The following CENPE variants were observed in gnomAD, a reference collection of about 807,000 sequenced individuals.
The protein encoded by CENPE is centromere protein E, also known as centromere-associated protein E.
CENPE carries 145 observed loss-of-function variants against 336.1 expected under a neutral mutation model. That is an observed-to-expected ratio of 0.43 (90% CI 0.38 to 0.50). The LOEUF (loss-of-function observed/expected upper bound fraction) is 0.50, where lower values mean the gene tolerates loss of function less well. CENPE is among the 20% of genes least tolerant of loss of function. The probability of loss-of-function intolerance (pLI) is 0.00; values close to 1 mark genes in which losing one functional copy is unlikely to be tolerated. For synonymous variants in CENPE, 1,013 were observed against 984.8 expected (o/e 1.03, Z -0.54); for missense variants, 2,719 against 3,023.3 (o/e 0.90, Z 2.36).
At chr4:103,121,629 G>A (rs1030370716) in intron 43 of CENPE, among the ~76,000 whole-genome samples, 2 of 149,784 alleles carry the variant, frequency 1.3e-5, no homozygotes, top group Admixed American at 6.7e-5. Flanking sequence ...GCTCACTGCA[G>A]TATCGATCTC....
chr4:103,187,808 T>C (rs1756927548), intron 8 of CENPE, among the ~76,000 whole-genome samples: 1 of 152,212 alleles, frequency 6.6e-6, no homozygotes, highest in Admixed American at 6.5e-5. Flanking sequence ...ATATTAACTT[T>C]AAATGTAAAT....
rs1175506431 is a variant in CENPE at position 103,141,926 on chromosome 4, T to A, written c.5305-18A>T. 7 of 1,488,702 alleles carry A rather than the reference T, an allele frequency of 4.7e-6. No individual in the cohort carries two copies. Among genetic ancestry groups the A allele is most frequent in the South Asian group, 3.7e-5 (3 of 80,738 alleles). The allele number at this position is 1,488,702 out of a possible 1,614,324, so 92.2% of individuals were successfully genotyped here. ...TTCAGATCCTTTACCATTAGAGAAA[T>A]TTTAAAAACAGTGACATATCTTAAT... On this transcript the variant is annotated intron_variant, in intron 34 of 48. Coordinates refer to ENST00000265148, the MANE Select transcript of CENPE (RefSeq NM_001813.3).
At chr4:103,188,779 C>G (rs567063700) in intron 8 of CENPE, among the ~76,000 whole-genome samples, 4 of 151,886 alleles carry the variant, frequency 2.6e-5, no homozygotes, top group African/African-American at 9.7e-5. Context: ...AGACGGCAAG[C>G]AATAACTAAG....
At chr4:103,182,664 A>C in intron 11 of CENPE, 98 bp downstream of exon 11, 1 of 969,318 alleles carries the variant, frequency 1.0e-6, no homozygotes, top group Non-Finnish European at 1.5e-6. Context: ...ATAACAGGCG[A>C]GTTAATTAAA....
At chr4:103,137,089 C>T (rs1032631779) in intron 39 of CENPE, among the ~76,000 whole-genome samples, 2 of 152,084 alleles carry the variant, frequency 1.3e-5, no homozygotes, top group African/African-American at 4.8e-5. Flanking sequence ...TTTCTATACC[C>T]AAGTTTTGAA....
chr4:103,168,029 G>A (rs1246863194), intron 16 of CENPE, among the ~76,000 whole-genome samples: 2 of 152,132 alleles, frequency 1.3e-5, no homozygotes, highest in Non-Finnish European at 2.9e-5. Context: ...GAGCCACCAG[G>A]ACAGGCTTGC....
chr4:103,195,057 G>C, intron 5 of CENPE, 57 bp downstream of exon 5: 1 of 1,445,076 alleles, frequency 6.9e-7, no homozygotes, highest in Non-Finnish European at 9.2e-7. Flanking sequence ...AAACATTCAA[G>C]AACAATAATC....
chr4:103,145,666 C>T lies in CENPE; in HGVS notation c.4429G>A (p.Glu1477Lys). The T allele has an allele frequency of 2.5e-6, 4 of 1,594,298 alleles. No individual in the cohort carries two copies. Among genetic ancestry groups the T allele is most frequent in the Non-Finnish European group, 3.4e-6 (4 of 1,174,574 alleles). The change falls in exon 31 of 49, where the codon GAG (glutamate) becomes AAG (lysine). Residue 1477 changes from glutamate to lysine, a missense_variant. By Grantham distance (56) the Glu-to-Lys change is moderately conservative. Around this residue, in one of 5 missense-constraint regions of CENPE, gnomAD observed 2,437 missense variants for 2,513.3 expected, o/e 0.97. Coordinates refer to ENST00000265148, the MANE Select transcript of CENPE (RefSeq NM_001813.3). ...CAACAATGAGCAACTTTAAGTTCCT[C>T]TTCAGTTTCCAGGTGCTTTATTATT... ...EIVAKHLETEEELKVAHCCLK... is the reference protein window; with the variant it reads ...EIVAKHLETEKELKVAHCCLK...
At chr4:103,169,403 T>C (rs973741157) in intron 16 of CENPE, among the ~76,000 whole-genome samples, 8 of 152,062 alleles carry the variant, frequency 5.3e-5, no homozygotes, top group African/African-American at 1.7e-4. Context: ...AAGAAAGCAA[T>C]ACATATCCAC....
At chr4:103,164,784 C>A (rs202072412) in intron 16 of CENPE, among the ~76,000 whole-genome samples, 4 of 152,038 alleles carry the variant, frequency 2.6e-5, no homozygotes, top group Non-Finnish European at 4.4e-5. Flanking sequence ...TTAGTGGCTA[C>A]CCCACTGTAG....
At chr4:103,116,774 T>A (rs1578543580) in intron 44 of CENPE, 85 bp from the exon 45 acceptor site, 1 of 672,402 alleles carries the variant, frequency 1.5e-6, no homozygotes, top group East Asian at 3.0e-5. Flanking sequence ...CTGTCTTTGC[T>A]CTAATAAGGA....
chr4:103,170,632 G>A lies in CENPE; in HGVS notation c.1647+4104C>T, dbSNP rs567501354. ...AGGAAGACAGTGAGATAAGATAAAA[G>A]GACCTAAAAAACAAATAAGAAAATA... On this transcript the variant is annotated intron_variant, in intron 16 of 48. Transcript: ENST00000265148. 1.3e-3 allele frequency among the ~76,000 whole-genome samples: 191 copies of A among 152,098 alleles called. 1 individual carries two copies. Among genetic ancestry groups the A allele is most frequent in the African/African-American group, 4.6e-3 (189 of 41,522 alleles).
At chr4:103,161,524 A>G (rs1281233497) in intron 18 of CENPE, 67 bp from the exon 19 acceptor site, 2 of 1,434,438 alleles carry the variant, frequency 1.4e-6, no homozygotes, top group Non-Finnish European at 1.9e-6. Flanking sequence ...TCTTAAGAGA[A>G]CATGTATATA....
intron 34 of CENPE, among the ~76,000 whole-genome samples, chr4:103,142,611 C>G (rs1434315123): frequency 6.6e-6 from 1 of 152,176 alleles, no homozygotes; most frequent in African/African-American, 2.4e-5. Flanking sequence ...CTGAGTCAAT[C>G]TTAATTTCTG....
chr4:103,162,992 G>C, intron 18 of CENPE, 145 bp downstream of exon 18: 1 of 536,398 alleles, frequency 1.9e-6, no homozygotes, highest in East Asian at 3.6e-5. Flanking sequence ...CTATCTCATA[G>C]GGTTATTGAC....
intron 10 of CENPE, 68 bp from the exon 11 acceptor site, chr4:103,182,959 T>A: frequency 1.3e-6 from 2 of 1,483,346 alleles, no homozygotes; most frequent in Admixed American, 3.8e-5. Context: ...AGTTGGTTTT[T>A]AATGCAGAAC....
chr4:103,190,467 A>G (rs565861582), intron 8 of CENPE, among the ~76,000 whole-genome samples: 102 of 152,074 alleles, frequency 6.7e-4, no homozygotes, highest in Non-Finnish European at 8.8e-5. Context: ...GGAAAGGAAC[A>G]GAGCCCTCAG....
Position 103,122,972 on chromosome 4 carries a change from T to C in CENPE, c.7042A>G (p.Thr2348Ala). The part of the protein sequence containing the change: ...KNEKLFKNYQ[T>A]LKTSLASGAQ... The stretch of plus-strand genomic sequence containing the variant: ...CCAGATGCCAAGGAAGTCTTCAATG[T>C]TTGGTAGTTTTTAAATAGTTTTTCA... The change falls in exon 43 of 49, where the codon ACA (threonine) becomes GCA (alanine). Residue 2348 changes from threonine (T) to alanine (A), a missense_variant. Thr to Ala is a moderately conservative substitution (Grantham distance 58). Around this residue, in one of 5 missense-constraint regions of CENPE, gnomAD observed 2,437 missense variants for 2,513.3 expected, o/e 0.97. Coordinates refer to ENST00000265148, the MANE Select transcript of CENPE (RefSeq NM_001813.3). The C allele has an allele frequency of 6.2e-7, 1 of 1,613,866 alleles. No individual in the cohort carries two copies. The highest frequency in any genetic ancestry group is 8.5e-7 in the Non-Finnish European group (1 of 1,179,782).
At chr4:103,108,768 C>T in intron 48 of CENPE, 35 bp downstream of exon 48, 1 of 1,579,660 alleles carries the variant, frequency 6.3e-7, no homozygotes, top group Non-Finnish European at 8.6e-7. Flanking sequence ...CAACTGTTAC[C>T]CTCTGATTTC....
Sources: gnomAD v4.1 joint callset for allele counts (sites outside exome capture counted in the v4.1 genomes callset) on GRCh38, gnomAD v4.1.1 for gene constraint, gnomAD v4.1.1 regional missense constraint, MANE v1.5 for transcripts, NCBI Gene and HGNC (gene_info 2026-07-23, HGNC 2026-07-21) for gene names.